Variants in LOC400499 observed in about 807,000 individuals in gnomAD.
At chr16:11,425,241 G>A in the LOC400499 span, 1 of 399,000 alleles carries the variant, frequency 2.5e-6, no homozygotes, top group Non-Finnish European at 4.4e-6. Flanking sequence ...CCGGATGCTG[G>A]CCTGGGCCCT....
At chr16:11,503,299 G>C in the LOC400499 span, among the ~76,000 whole-genome samples, 878 of 152,178 alleles carry the variant, frequency 5.8e-3, 13 homozygotes, top group African/African-American at 0.02. Context: ...GGGTGCAGAG[G>C]GCCCAAAACT....
chr16:11,378,607 A>G, the LOC400499 span, among the ~76,000 whole-genome samples: 1 of 152,116 alleles, frequency 6.6e-6, no homozygotes. Context: ...AATTTCCCTC[A>G]TAGCACTGCT....
the LOC400499 span, chr16:11,508,897 T>A: frequency 5.0e-6 from 2 of 398,810 alleles, no homozygotes; most frequent in Non-Finnish European, 8.8e-6. Flanking sequence ...TATGGGGAAA[T>A]GCCAGAGTGA....
the LOC400499 span, among the ~76,000 whole-genome samples, chr16:11,412,243 C>G: frequency 1.3e-5 from 2 of 152,332 alleles, no homozygotes; most frequent in African/African-American, 4.8e-5. Context: ...AGCCTTGGCA[C>G]AGCTGACATC....
At chr16:11,405,754 G>A in the LOC400499 span, among the ~76,000 whole-genome samples, 2 of 152,144 alleles carry the variant, frequency 1.3e-5, no homozygotes, top group Non-Finnish European at 2.9e-5. Flanking sequence ...TCTGCCACCT[G>A]TAGGTCCCTC....
the LOC400499 span, among the ~76,000 whole-genome samples, chr16:11,497,969 C>T: frequency 2.0e-5 from 3 of 152,076 alleles, no homozygotes; most frequent in Non-Finnish European, 2.9e-5. Context: ...TAAAATTACC[C>T]TCAAACCTGT....
At chr16:11,434,171 G>C in the LOC400499 span, among the ~76,000 whole-genome samples, 1 of 152,098 alleles carries the variant, frequency 6.6e-6, no homozygotes, top group East Asian at 1.9e-4. Context: ...GCAGAACCTA[G>C]GTTCTTCCAC....
chr16:11,497,365 G>C, the LOC400499 span, among the ~76,000 whole-genome samples: 1 of 152,236 alleles, frequency 6.6e-6, no homozygotes, highest in Non-Finnish European at 1.5e-5. Context: ...AAACAAAGCT[G>C]TCTGTTTTCT....
the LOC400499 span, among the ~76,000 whole-genome samples, chr16:11,464,953 C>T: frequency 3.6e-4 from 55 of 152,318 alleles, no homozygotes; most frequent in African/African-American, 1.2e-3. Context: ...GAAGACAGCT[C>T]TCCCCTGACA....
chr16:11,452,394 G>A, the LOC400499 span, among the ~76,000 whole-genome samples: 2 of 152,276 alleles, frequency 1.3e-5, no homozygotes, highest in East Asian at 3.9e-4. Context: ...AGTGGCCACT[G>A]CTGCGGGAGG....
At chr16:11,496,659 C>A in the LOC400499 span, among the ~76,000 whole-genome samples, 1 of 152,066 alleles carries the variant, frequency 6.6e-6, no homozygotes. Flanking sequence ...TGTGCCCATG[C>A]GTCCAGGTGC....
At chr16:11,408,653 A>G in the LOC400499 span, among the ~76,000 whole-genome samples, 591 of 151,942 alleles carry the variant, frequency 3.9e-3, 5 homozygotes, top group South Asian at 0.014. Flanking sequence ...TTCTGTAGCA[A>G]TGGGGTCTCC....
the LOC400499 span, among the ~76,000 whole-genome samples, chr16:11,400,134 C>A: frequency 5.2e-3 from 791 of 152,112 alleles, 10 homozygotes; most frequent in African/African-American, 0.018. Context: ...GTGCTCCTCA[C>A]TGGGGCCTCC....
At chr16:11,484,829 C>G in the LOC400499 span, 4 of 390,624 alleles carry the variant, frequency 1.0e-5, no homozygotes, top group African/African-American at 6.6e-5. Context: ...ACGCATGAAG[C>G]GGGGTGGGCC....
the LOC400499 span, among the ~76,000 whole-genome samples, chr16:11,476,012 G>T: frequency 6.6e-6 from 1 of 152,182 alleles, no homozygotes; most frequent in East Asian, 1.9e-4. Context: ...CTCTGCAGAG[G>T]TAACTTTTGA....
chr16:11,494,541 T>G, the LOC400499 span: 1 of 214,890 alleles, frequency 4.7e-6, no homozygotes, highest in South Asian at 1.7e-4. Flanking sequence ...CTGGGGGCAC[T>G]GAAGCCGGTA....
the LOC400499 span, among the ~76,000 whole-genome samples, chr16:11,394,185 C>T: frequency 6.6e-5 from 10 of 152,326 alleles, no homozygotes; most frequent in South Asian, 1.2e-3. Flanking sequence ...CAAGGAGACA[C>T]GGGCACACCT....
chr16:11,503,859 G>A, the LOC400499 span, among the ~76,000 whole-genome samples: 1 of 152,212 alleles, frequency 6.6e-6, no homozygotes, highest in East Asian at 1.9e-4. Context: ...CCTGACCACT[G>A]GTAGCCTAAA....
the LOC400499 span, chr16:11,425,207 C>T: frequency 5.0e-6 from 2 of 398,928 alleles, no homozygotes; most frequent in African/African-American, 4.1e-5. Context: ...AGGCGCCACC[C>T]AGAGCCAGGC....
Sources: allele counts gnomAD v4.1 joint callset (sites outside exome capture counted in the v4.1 genomes callset), GRCh38; gene constraint gnomAD v4.1.1; transcripts MANE v1.5.